Variants in RC3H1 observed in about 807,000 individuals in gnomAD.
RC3H1 encodes ring finger and CCCH-type domains 1.
A neutral mutation model predicts 138.2 loss-of-function variants in RC3H1; 50 were observed. That is an observed-to-expected ratio of 0.36 (90% CI 0.29 to 0.46). RC3H1 has a LOEUF of 0.46. RC3H1 is among the 20% of genes least tolerant of loss of function. The probability of loss-of-function intolerance (pLI) is 1.00; values close to 1 mark genes in which losing one functional copy is unlikely to be tolerated. For synonymous variants in RC3H1, 462 were observed against 489.1 expected (o/e 0.94, Z 0.73); for missense variants, 1,031 against 1,388.1 (o/e 0.74, Z 4.09).
At chr1:173,984,354 T>C (rs1660937712) in intron 3 of RC3H1, 145 bp downstream of exon 3, 4 of 626,996 alleles carry the variant, frequency 6.4e-6, no homozygotes, top group Non-Finnish European at 1.0e-5. Context: ...GTCTCTTTAG[T>C]AGACATTTAC....
intron 11 of RC3H1, among the ~76,000 whole-genome samples, chr1:173,962,350 T>C (rs751123202): frequency 6.6e-6 from 1 of 152,206 alleles, no homozygotes; most frequent in Middle Eastern, 3.2e-3. Context: ...ACCCTCTTTC[T>C]GGTGTGTCTT....
At position 173,978,613 on chromosome 1, in the gene RC3H1, G is replaced by C; in HGVS notation, c.977C>G (p.Thr326Ser). The stretch of plus-strand genomic sequence containing the variant: ...AACACTCTGTGCAAAAGAGGCTGGA[G>C]TCTGCAACTTAAAAAAGATAAATGT... ...HMQSIIDKLQ[T>S]PASFAQSVQE... Residue 326 changes from threonine (T) to serine (S), a missense_variant, in exon 7 of 20, where the codon ACT (threonine) becomes AGT (serine). This residue lies in a region of RC3H1 where 142 missense variants were observed against 224.6 expected (regional missense o/e 0.63). Coordinates refer to ENST00000367696, the MANE Select transcript of RC3H1 (RefSeq NM_172071.4). The C allele has an allele frequency of 1.9e-6, 3 of 1,610,346 alleles. No homozygotes were observed. Among genetic ancestry groups the C allele is most frequent in the Non-Finnish European group, 1.7e-6 (2 of 1,178,670 alleles).
In RC3H1 at chr1:173,946,736, T is replaced by C; in HGVS notation, c.2828+10A>G. 6.2e-7 allele frequency: 1 copy of C among 1,610,364 alleles called. No individual in the cohort carries two copies. Among genetic ancestry groups the C allele is most frequent in the Non-Finnish European group, 8.5e-7 (1 of 1,177,140 alleles). On this transcript the variant is annotated intron_variant, in intron 16 of 19. Coordinates refer to ENST00000367696, the MANE Select transcript of RC3H1 (RefSeq NM_172071.4). ...TACATGTTTGTTCAAGTAAAAAGAATGACTCATACCTCTCACTGAAGTGTC... is the reference window on the plus strand; with the variant it reads ...TACATGTTTGTTCAAGTAAAAAGAACGACTCATACCTCTCACTGAAGTGTC...
chr1:173,947,101 C>T (rs533824316), intron 15 of RC3H1, among the ~76,000 whole-genome samples: 2 of 152,162 alleles, frequency 1.3e-5, no homozygotes, highest in South Asian at 4.2e-4. Flanking sequence ...GAATGTTATT[C>T]CCCCAAATAA....
intron 1 of RC3H1, among the ~76,000 whole-genome samples, chr1:174,008,440 C>T (rs566279853): frequency 6.6e-6 from 1 of 151,838 alleles, no homozygotes; most frequent in South Asian, 2.1e-4. Context: ...GAGGAAGAAG[C>T]AGAAGAGGGG....
intron 18 of RC3H1, among the ~76,000 whole-genome samples, chr1:173,942,615 G>A (rs893925886): frequency 2.0e-5 from 3 of 151,660 alleles, no homozygotes; most frequent in African/African-American, 7.2e-5. Context: ...GGCGGATCAC[G>A]AGGTCAGGAG....
intron 1 of RC3H1, among the ~76,000 whole-genome samples, chr1:174,017,733 TTA>T (rs1661884575): frequency 1.4e-5 from 2 of 139,760 alleles, no homozygotes; most frequent in South Asian, 2.2e-4. Flanking sequence ...ATAAAAAAAA[TTA>T]TGTTAATCTG....
chr1:173,945,492 T>C (rs1659094951), intron 17 of RC3H1, among the ~76,000 whole-genome samples: 1 of 152,096 alleles, frequency 6.6e-6, no homozygotes, highest in Admixed American at 6.5e-5. Flanking sequence ...GAACACTGAA[T>C]CTGGAGTATG....
intron 10 of RC3H1, 80 bp from the exon 11 acceptor site, chr1:173,964,267 C>A: frequency 4.1e-6 from 5 of 1,206,150 alleles, no homozygotes; most frequent in African/African-American, 1.5e-5. Flanking sequence ...AAGATTGCTA[C>A]AATTTGGGAA....
At chr1:173,973,225 T>C (rs1338008794) in intron 7 of RC3H1, among the ~76,000 whole-genome samples, 4 of 152,176 alleles carry the variant, frequency 2.6e-5, no homozygotes, top group East Asian at 1.9e-4. Flanking sequence ...AAATAAAGTT[T>C]TGGTAAACAA....
chr1:173,949,115 ACT>A (rs1659266267), intron 14 of RC3H1, among the ~76,000 whole-genome samples: 2 of 93,900 alleles, frequency 2.1e-5, no homozygotes, highest in Non-Finnish European at 3.6e-5. Flanking sequence ...TTCCTCTAAA[ACT>A]CTCTATTTTT....
In RC3H1 at chr1:173,937,320, C is replaced by A. The variant is rs1241467139; in HGVS notation, c.*1401G>T. On this transcript the variant is annotated 3_prime_UTR_variant, in exon 20 of 20. Coordinates refer to ENST00000367696, the MANE Select transcript of RC3H1 (RefSeq NM_172071.4). ...AATATAAACTCTTGTTTTTACTCAACCAAAGCAATGTAGTAACTTATTACA... is the reference window on the plus strand; with the variant it reads ...AATATAAACTCTTGTTTTTACTCAAACAAAGCAATGTAGTAACTTATTACA... 2.0e-5 allele frequency: 3 copies of A among 152,170 alleles called. No individual in the cohort carries two copies. The highest frequency in any genetic ancestry group is 4.4e-5 in the Non-Finnish European group (3 of 67,960). The allele number at this position is 152,170 out of a possible 1,614,324, so 9.4% of individuals were successfully genotyped here. A position where few individuals can be genotyped will look rare whatever the true frequency, so the allele number is the denominator to read the frequency against.
intron 1 of RC3H1, among the ~76,000 whole-genome samples, chr1:174,019,162 T>C (rs1357737870): frequency 1.3e-5 from 2 of 152,192 alleles, no homozygotes; most frequent in African/African-American, 4.8e-5. Context: ...GTAAACAGTA[T>C]GAGTTTTTAT....
intron 13 of RC3H1, 25 bp from the exon 14 acceptor site, chr1:173,952,163 CAAAAAAA>C: frequency 1.1e-6 from 1 of 945,750 alleles, no homozygotes. Flanking sequence ...AGAAAAAAAA[CAAAAAAA>C]AAAAAAAGAG....
chr1:173,943,293 GA>G, intron 18 of RC3H1, 148 bp downstream of exon 18: 1 of 636,382 alleles, frequency 1.6e-6, no homozygotes, highest in Non-Finnish European at 2.5e-6. Flanking sequence ...GATAAAATCG[GA>G]AGGTAGCCCA....
At chr1:173,994,796 CAAAA>C (rs984715226) in intron 1 of RC3H1, among the ~76,000 whole-genome samples, 2 of 67,152 alleles carry the variant, frequency 3.0e-5, no homozygotes, top group Non-Finnish European at 3.6e-5. Context: ...GACCCCATCT[CAAAA>C]AAAAAAAAAA....
chr1:173,941,525 G>C (rs1418411945), intron 18 of RC3H1, 145 bp from the exon 19 acceptor site: 1 of 586,710 alleles, frequency 1.7e-6, no homozygotes, highest in Non-Finnish European at 3.0e-6. Context: ...GACTAAAAGA[G>C]TGACATACAT....
At chr1:174,007,815 T>C (rs188034918) in intron 1 of RC3H1, among the ~76,000 whole-genome samples, 2 of 152,288 alleles carry the variant, frequency 1.3e-5, no homozygotes, top group East Asian at 1.9e-4. Context: ...TTTTAAACTG[T>C]TACAAAGCAC....
Position 173,961,166 on chromosome 1 carries a change from T to C in RC3H1, c.2281A>G (p.Ile761Val). Residue 761 changes from isoleucine to valine, a missense_variant, in exon 13 of 20, where the codon ATA (isoleucine) becomes GTA (valine). Transcript: ENST00000367696. ...LDELHRRRKE[I>V]MAQLEERKVI... ...TTTCTTTCCTCTAGCTGGGCCATTA[T>C]TTCCTTTCGTCGGCGATGTAGTTCA... 6.2e-7 allele frequency: 1 copy of C among 1,614,148 alleles called. No homozygotes were observed.
Sources: allele counts gnomAD v4.1 joint callset (sites outside exome capture counted in the v4.1 genomes callset), GRCh38; gene constraint gnomAD v4.1.1; regional missense constraint gnomAD v4.1.1; transcripts MANE v1.5; gene names NCBI Gene and HGNC (gene_info 2026-07-23, HGNC 2026-07-21).